Variants in JAZF1 observed in about 807,000 individuals in gnomAD.
JAZF1 encodes JAZF zinc finger 1.
In JAZF1, 8 loss-of-function variants were observed where a neutral mutation model predicts 26.4. That is an observed-to-expected ratio of 0.30 (90% CI 0.18 to 0.55). The LOEUF (loss-of-function observed/expected upper bound fraction) is 0.55. Among genes scored for constraint, JAZF1 ranks in the 20% least tolerant of loss-of-function variants. JAZF1 has a pLI of 0.94. For missense variants in JAZF1, 199 were observed against 322.0 expected, an observed-to-expected ratio of 0.62 and a Z score of 2.92; for synonymous variants, 126 against 122.3, an observed-to-expected ratio of 1.03 and a Z score of -0.20.
In JAZF1 at chr7:28,068,162, A is replaced by T. The variant is rs955577380; in HGVS notation, c.116-76181T>A. On this transcript the variant is annotated intron_variant, in intron 1 of 4. Transcript: ENST00000283928. ...ACTCCTGACATCAGATGATCTGCCCACCTCGGCCTCCCAAAGTGCTGGGAT... is the reference window on the plus strand; with the variant it reads ...ACTCCTGACATCAGATGATCTGCCCTCCTCGGCCTCCCAAAGTGCTGGGAT... Among the ~76,000 whole-genome samples, 3 of 145,952 alleles carry T rather than the reference A, an allele frequency of 2.1e-5. No individual in the cohort carries two copies. In the Admixed American group the frequency reaches 2.1e-4, roughly 10 times the overall value.
chr7:27,915,630 C>T (rs1483571723), intron 2 of JAZF1, among the ~76,000 whole-genome samples: 2 of 152,164 alleles, frequency 1.3e-5, no homozygotes, highest in Non-Finnish European at 2.9e-5. Context: ...TGTTCTTCAA[C>T]TACAACATTT....
At chr7:27,960,764 G>T (rs139995751) in intron 2 of JAZF1, among the ~76,000 whole-genome samples, 1 of 152,292 alleles carries the variant, frequency 6.6e-6, no homozygotes, top group Non-Finnish European at 1.5e-5. Flanking sequence ...GCTCAGGTCC[G>T]TGAGGCTCCA....
intron 2 of JAZF1, among the ~76,000 whole-genome samples, chr7:27,937,902 G>A (rs1784782728): frequency 6.6e-6 from 1 of 152,166 alleles, no homozygotes; most frequent in Non-Finnish European, 1.5e-5. Flanking sequence ...CAGTTATTGG[G>A]AAATACTCCG....
At chr7:28,151,758 T>G (rs979119555) in intron 1 of JAZF1, among the ~76,000 whole-genome samples, 12 of 151,632 alleles carry the variant, frequency 7.9e-5, no homozygotes, top group African/African-American at 2.9e-4. Flanking sequence ...GCCATTGCAC[T>G]CCAGCCTGGA....
intron 2 of JAZF1, among the ~76,000 whole-genome samples, chr7:27,981,773 C>T (rs914783543): frequency 6.6e-6 from 1 of 152,084 alleles, no homozygotes; most frequent in Non-Finnish European, 1.5e-5. Context: ...TCACTTTCTC[C>T]GAGATGACTT....
intron 1 of JAZF1, among the ~76,000 whole-genome samples, chr7:28,109,340 T>A (rs1784602702): frequency 6.6e-6 from 1 of 152,182 alleles, no homozygotes; most frequent in Non-Finnish European, 1.5e-5. Context: ...TATTCACTTT[T>A]AATTCATCAG....
At chr7:28,057,612 T>A (rs1454579234) in intron 1 of JAZF1, among the ~76,000 whole-genome samples, 5 of 152,206 alleles carry the variant, frequency 3.3e-5, no homozygotes, top group Admixed American at 6.5e-5. Context: ...TCATGACCCA[T>A]CACCCAACTT....
intron 1 of JAZF1, among the ~76,000 whole-genome samples, chr7:28,133,994 A>G (rs1004311900): frequency 6.6e-6 from 1 of 152,128 alleles, no homozygotes; most frequent in African/African-American, 2.4e-5. Context: ...AAGAAACATT[A>G]TCTTGTTTAT....
chr7:27,969,231 ACATCACC>A (rs1486074071), intron 2 of JAZF1, among the ~76,000 whole-genome samples: 1 of 152,204 alleles, frequency 6.6e-6, no homozygotes, highest in Non-Finnish European at 1.5e-5. Flanking sequence ...ATGCACGCAG[ACATCACC>A]AAGAAGGCAG....
intron 1 of JAZF1, among the ~76,000 whole-genome samples, chr7:28,176,377 C>T (rs1783551529): frequency 6.6e-6 from 1 of 152,232 alleles, no homozygotes; most frequent in African/African-American, 2.4e-5. Flanking sequence ...CTGTGTACTG[C>T]CTGCGCCCAG....
At chr7:28,110,604 A>AAAGGAAAGG (rs199534020) in intron 1 of JAZF1, among the ~76,000 whole-genome samples, 12 of 109,200 alleles carry the variant, frequency 1.1e-4, no homozygotes, top group Middle Eastern at 4.7e-3. Flanking sequence ...AAGGAAAAGG[A>AAAGGAAAGG]AAAGGAAAGG....
intron 2 of JAZF1, among the ~76,000 whole-genome samples, chr7:27,898,376 G>A (rs909574450): frequency 7.0e-6 from 1 of 143,334 alleles, no homozygotes; most frequent in African/African-American, 2.6e-5. Context: ...GCAGTGGCAC[G>A]ATCTCGGCTC....
chr7:28,082,408 C>T (rs1313408826), intron 1 of JAZF1, among the ~76,000 whole-genome samples: 1 of 152,196 alleles, frequency 6.6e-6, no homozygotes, highest in Non-Finnish European at 1.5e-5. Flanking sequence ...CCTGTGCAGG[C>T]TCCCTTTTCT....
At chr7:27,884,709 T>G (rs1388104959) in intron 3 of JAZF1, among the ~76,000 whole-genome samples, 1 of 152,246 alleles carries the variant, frequency 6.6e-6, no homozygotes, top group African/African-American at 2.4e-5. Context: ...ATTGCTAAAT[T>G]ATACTCCACT....
intron 1 of JAZF1, among the ~76,000 whole-genome samples, chr7:28,084,138 T>C (rs1009930149): frequency 6.6e-6 from 1 of 152,040 alleles, no homozygotes; most frequent in Non-Finnish European, 1.5e-5. Context: ...CTGAAGACTG[T>C]GGAAAAGCCC....
At chr7:27,874,572 G>GA (rs1451486906) in intron 3 of JAZF1, among the ~76,000 whole-genome samples, 2 of 152,154 alleles carry the variant, frequency 1.3e-5, no homozygotes, top group Admixed American at 6.5e-5. Context: ...AGATCCTTAT[G>GA]AAAAAACATT....
At chr7:28,171,265 C>A (rs1583597603) in intron 1 of JAZF1, among the ~76,000 whole-genome samples, 1 of 152,294 alleles carries the variant, frequency 6.6e-6, no homozygotes, top group East Asian at 1.9e-4. Context: ...ATAAACCATA[C>A]TGGACTAATT....
Position 27,863,202 on chromosome 7 carries a change from C to G in JAZF1, c.386-22335G>C, listed in dbSNP as rs147660352. On this transcript the variant is annotated intron_variant, in intron 3 of 4. Coordinates refer to ENST00000283928, the MANE Select transcript of JAZF1 (RefSeq NM_175061.4). ...CCTACGGCTACTTCGTTGTCTATTC[C>G]TTCCCTGCCCATCATTATCCTTCCC... is the stretch of plus-strand genomic sequence containing the variant. Among the ~76,000 whole-genome samples, 407 of 152,318 alleles carry G rather than the reference C, an allele frequency of 2.7e-3. 4 individuals carry two copies. The highest frequency in any genetic ancestry group is 8.9e-3 in the African/African-American group (371 of 41,562).
At chr7:27,971,732 T>G (rs946436043) in intron 2 of JAZF1, among the ~76,000 whole-genome samples, 13 of 151,842 alleles carry the variant, frequency 8.6e-5, no homozygotes, top group Non-Finnish European at 1.5e-4. Context: ...ATAAGAGAGG[T>G]GTAGCACCTT....
Sources: allele counts gnomAD v4.1 joint callset (sites outside exome capture counted in the v4.1 genomes callset), GRCh38; gene constraint gnomAD v4.1.1; transcripts MANE v1.5; gene names NCBI Gene and HGNC (gene_info 2026-07-23, HGNC 2026-07-21).